MED13L: variants seen among roughly 807,000 people sequenced by gnomAD.
MED13L encodes mediator complex subunit 13L.
A neutral mutation model predicts 220.9 loss-of-function variants in MED13L; 7 were observed. The ratio of observed to expected loss-of-function variants is 0.03; its 90% CI spans 0.02 to 0.06. MED13L has a LOEUF of 0.06. Among genes scored for constraint, MED13L ranks in the 10% least tolerant of loss-of-function variants. The pLI is 1.00. For missense variants in MED13L, 1,965 were observed against 2,760.5 expected (o/e 0.71, Z 6.46); for synonymous variants, 1,011 against 1,015.2 (o/e 1.00, Z 0.08).
At chr12:116,183,814 G>GTGTA (rs775388717) in intron 2 of MED13L, among the ~76,000 whole-genome samples, 5 of 84,176 alleles carry the variant, frequency 5.9e-5, no homozygotes, top group African/African-American at 1.7e-4. Flanking sequence ...GTGTGTGTGT[G>GTGTA]TGTGTATGTG....
At chr12:116,148,223 T>C (rs1305674862) in intron 2 of MED13L, among the ~76,000 whole-genome samples, 1 of 151,950 alleles carries the variant, frequency 6.6e-6, no homozygotes, top group Non-Finnish European at 1.5e-5. Context: ...AATTCAAGTA[T>C]TTCCTGAATT....
At chr12:116,270,008 T>C (rs1413865653) in intron 1 of MED13L, among the ~76,000 whole-genome samples, 1 of 149,824 alleles carries the variant, frequency 6.7e-6, no homozygotes, top group Non-Finnish European at 1.5e-5. Context: ...CTTTATTAAC[T>C]TAAAAAAAGG....
At chr12:116,072,937 A>G (rs1355975453) in intron 4 of MED13L, among the ~76,000 whole-genome samples, 2 of 152,234 alleles carry the variant, frequency 1.3e-5, no homozygotes, top group African/African-American at 2.4e-5. Context: ...GATTCATTTG[A>G]AAGTCCACAC....
At chr12:116,165,252 C>T (rs906254951) in intron 2 of MED13L, among the ~76,000 whole-genome samples, 1 of 141,824 alleles carries the variant, frequency 7.1e-6, no homozygotes. Flanking sequence ...ATGAAGTAGG[C>T]ACCATCCTTT....
chr12:116,253,944 A>G (rs1311164964), intron 1 of MED13L, among the ~76,000 whole-genome samples: 2 of 151,750 alleles, frequency 1.3e-5, no homozygotes, highest in Non-Finnish European at 2.9e-5. Flanking sequence ...TATTTTTAGT[A>G]GAGACGGGGT....
At chr12:116,129,323 C>T (rs553715633) in intron 2 of MED13L, among the ~76,000 whole-genome samples, 26 of 152,246 alleles carry the variant, frequency 1.7e-4, no homozygotes, top group African/African-American at 5.5e-4. Context: ...AGAGAAGAAA[C>T]TGAAATACAA....
intron 25 of MED13L, 53 bp from the exon 26 acceptor site, chr12:115,972,289 G>A: frequency 1.3e-6 from 2 of 1,599,590 alleles, no homozygotes; most frequent in South Asian, 2.2e-5. Flanking sequence ...ATACTGATGG[G>A]AGATTTGAGC....
chr12:116,213,514 G>A (rs912086616), intron 2 of MED13L, among the ~76,000 whole-genome samples: 3 of 152,114 alleles, frequency 2.0e-5, no homozygotes, highest in African/African-American at 4.8e-5. Context: ...AGGTTCAAGC[G>A]ATTCTCCTGC....
intron 23 of MED13L, among the ~76,000 whole-genome samples, chr12:115,979,290 A>G (rs1209153092): frequency 6.6e-6 from 1 of 152,210 alleles, no homozygotes; most frequent in Admixed American, 6.5e-5. Flanking sequence ...TTATCTTATG[A>G]GCTCCTGATG....
intron 4 of MED13L, among the ~76,000 whole-genome samples, chr12:116,068,803 T>C (rs1464050585): frequency 1.3e-5 from 2 of 150,722 alleles, no homozygotes; most frequent in Non-Finnish European, 2.9e-5. Flanking sequence ...CTGTCTGTTC[T>C]TGTTGTGTAC....
At chr12:116,040,515 G>A (rs1881459164) in intron 4 of MED13L, among the ~76,000 whole-genome samples, 1 of 152,130 alleles carries the variant, frequency 6.6e-6, no homozygotes, top group Non-Finnish European at 1.5e-5. Context: ...TAATGCTAAT[G>A]AAAGTGGAAT....
Position 116,269,309 on chromosome 12 carries a change from G to A in MED13L, c.72+7751C>T, listed in dbSNP as rs536554765. Among the ~76,000 whole-genome samples, 22 of 151,854 alleles carry A rather than the reference G, an allele frequency of 1.4e-4. No individual in the cohort carries two copies. In the Middle Eastern group the frequency reaches 0.014, roughly 94 times the overall value. The stretch of plus-strand genomic sequence containing the variant: ...CCTGACCTCATGATCAGCCAGCCTC[G>A]GCCTCCCAAAGAGCTGGGATTACAG... On this transcript the variant is annotated intron_variant, in intron 1 of 30. Coordinates refer to ENST00000281928, the MANE Select transcript of MED13L (RefSeq NM_015335.5).
chr12:116,165,480 G>A (rs1046004584), intron 2 of MED13L, among the ~76,000 whole-genome samples: 10 of 151,612 alleles, frequency 6.6e-5, no homozygotes, highest in African/African-American at 1.9e-4. Flanking sequence ...ATAGGCGCCC[G>A]CCACCAAGCC....
chr12:116,087,978 C>A (rs1280358306), intron 4 of MED13L, among the ~76,000 whole-genome samples: 1 of 152,102 alleles, frequency 6.6e-6, no homozygotes, highest in Non-Finnish European at 1.5e-5. Context: ...TCCTTCCACT[C>A]CAACATGACA....
chr12:116,223,173 T>A (rs1427369344), intron 2 of MED13L, among the ~76,000 whole-genome samples: 2 of 152,218 alleles, frequency 1.3e-5, no homozygotes, highest in Non-Finnish European at 2.9e-5. Context: ...CAATCCATGA[T>A]GTATTTATAA....
chr12:116,128,962 AT>A (rs1301324525), intron 2 of MED13L, among the ~76,000 whole-genome samples: 2 of 152,164 alleles, frequency 1.3e-5, no homozygotes, highest in African/African-American at 2.4e-5. Flanking sequence ...GCAAAAAAAA[AT>A]AAAAGTGGAA....
At position 116,193,349 on chromosome 12, in the gene MED13L, T is replaced by C. The variant is rs562071108; in HGVS notation, c.310+44119A>G. 6.6e-5 allele frequency among the ~76,000 whole-genome samples: 10 copies of C among 152,328 alleles called. No individual in the cohort carries two copies. The South Asian group carries it at 2.1e-3, about 32-fold the overall frequency. ...TTTTTAACCTGAAGCTTATTTATTT[T>C]AGAAATAATCAAAAATATTTTTCAA... On this transcript the variant is annotated intron_variant, in intron 2 of 30. Transcript: ENST00000281928.
At chr12:116,119,838 A>AATATATATATAT (rs1555213243) in intron 2 of MED13L, among the ~76,000 whole-genome samples, 69 of 31,580 alleles carry the variant, frequency 2.2e-3, no homozygotes, top group African/African-American at 4.0e-3. Context: ...AAAAAAAAAA[A>AATATATATATAT]ATATATATAT....
At chr12:116,031,727 A>G (rs1371992392) in intron 4 of MED13L, among the ~76,000 whole-genome samples, 1 of 82,806 alleles carries the variant, frequency 1.2e-5, no homozygotes, top group African/African-American at 6.5e-5. Context: ...AAAGAAAAGA[A>G]AAGAAAAGAA....
Sources: gnomAD v4.1 joint callset for allele counts (sites outside exome capture counted in the v4.1 genomes callset) on GRCh38, gnomAD v4.1.1 for gene constraint, MANE v1.5 for transcripts, NCBI Gene and HGNC (gene_info 2026-07-23, HGNC 2026-07-21) for gene names.